Variants in TMEM132E observed in about 807,000 individuals in gnomAD.
The protein encoded by TMEM132E is transmembrane protein 132E.
In TMEM132E, 49 loss-of-function variants were observed where a neutral mutation model predicts 78.5. The observed-to-expected ratio is 0.62, with a 90% CI of 0.50 to 0.79. The LOEUF is 0.79. Ranked by LOEUF, TMEM132E falls within the 30% of genes least tolerant of loss-of-function variation. TMEM132E has a pLI of 0.00. For missense variants in TMEM132E, 1,403 were observed against 1,470.9 expected (o/e 0.95, Z 0.75); for synonymous variants, 715 against 670.6 (o/e 1.07, Z -1.02).
intron 1 of TMEM132E, among the ~76,000 whole-genome samples, chr17:34,581,717 C>G (rs1321928626): frequency 2.0e-5 from 3 of 152,002 alleles, no homozygotes; most frequent in South Asian, 2.1e-4. Flanking sequence ...CTTAGGCGAG[C>G]CCGGAGGGCG....
At position 34,581,044 on chromosome 17, in the gene TMEM132E, C is replaced by A; in HGVS notation, c.-33C>A. The A allele has an allele frequency of 6.6e-7, 1 of 1,523,534 alleles. No individual in the cohort carries two copies. The highest frequency in any genetic ancestry group is 2.0e-5 in the Admixed American group (1 of 49,728). The allele number at this position is 1,523,534 out of a possible 1,614,324, so 94.4% of individuals were successfully genotyped here. On this transcript the variant is annotated 5_prime_UTR_variant, in exon 1 of 9. Transcript: ENST00000631683. Reference sequence around the variant, plus strand: ...GGGGCCAAGTCGTCGTCGACTGTTGCTCTCTCGGACCCCTCCCGCCCCCGC... The same window carrying A: ...GGGGCCAAGTCGTCGTCGACTGTTGATCTCTCGGACCCCTCCCGCCCCCGC...
chr17:34,604,364 C>T (rs561906856), intron 1 of TMEM132E, among the ~76,000 whole-genome samples: 13 of 152,310 alleles, frequency 8.5e-5, no homozygotes, highest in African/African-American at 2.6e-4. Context: ...GCACACCATC[C>T]GCCAAGAGAG....
intron 1 of TMEM132E, among the ~76,000 whole-genome samples, chr17:34,614,026 C>T (rs1462177113): frequency 1.3e-5 from 2 of 152,324 alleles, no homozygotes; most frequent in African/African-American, 2.4e-5. Context: ...CCCCTTCCCT[C>T]GTGGTCATCC....
intron 1 of TMEM132E, among the ~76,000 whole-genome samples, chr17:34,617,467 C>T (rs1906820459): frequency 6.6e-6 from 1 of 152,206 alleles, no homozygotes; most frequent in Non-Finnish European, 1.5e-5. Flanking sequence ...GTGAGCACTT[C>T]CCTCCTCTCA....
At position 34,630,104 on chromosome 17, in the gene TMEM132E, A is replaced by G. The variant is rs2142083219; in HGVS notation, c.1435A>G (p.Ile479Val). 6.2e-7 allele frequency: 1 copy of G among 1,613,566 alleles called. No homozygotes were observed. The highest frequency in any genetic ancestry group is 8.5e-7 in the Non-Finnish European group (1 of 1,179,598). The change falls in exon 5 of 9, where the codon ATC (isoleucine) becomes GTC (valine). Residue 479 changes from isoleucine (I) to valine (V), a missense_variant. Physicochemically the swap from Ile to Val is conservative, Grantham distance 29 (BLOSUM62 3). Transcript: ENST00000631683. ...AIEVNGLVLDISALVECESDN... is the reference protein window; with the variant it reads ...AIEVNGLVLDVSALVECESDN... ...CGAGGTGAATGGCCTCGTCCTGGAC[A>G]TCTCCGCCCTAGTGGAATGCGAGTC... is the stretch of plus-strand genomic sequence containing the variant.
chr17:34,606,874 C>G (rs1390952114), intron 1 of TMEM132E, among the ~76,000 whole-genome samples: 1 of 152,232 alleles, frequency 6.6e-6, no homozygotes, highest in Non-Finnish European at 1.5e-5. Context: ...TCCCCACTCA[C>G]TCGCTCTCTC....
chr17:34,626,761 C>T lies in TMEM132E; in HGVS notation c.702C>T (p.Tyr234=). Residue 234 remains tyrosine, a synonymous_variant, in exon 2 of 9, where the codon TAC becomes TAT. Coordinates refer to ENST00000631683, the MANE Select transcript of TMEM132E (RefSeq NM_001304438.2). ...AGAGCCAGCAGGCCGAGCTCTACTACACGCTCCACGCCCCTGATGCGTCGG... is the reference window on the plus strand; with the variant it reads ...AGAGCCAGCAGGCCGAGCTCTACTATACGCTCCACGCCCCTGATGCGTCGG... The part of the protein sequence containing the change: ...TGESQQAELY[Y]TLHAPDASGG... 1 of 1,440,196 alleles carries T rather than the reference C, an allele frequency of 6.9e-7. No individual in the cohort carries two copies. Among genetic ancestry groups the T allele is most frequent in the Non-Finnish European group, 9.2e-7 (1 of 1,082,032 alleles). The allele number at this position is 1,440,196 out of a possible 1,614,324, so 89.2% of individuals were successfully genotyped here. A position where few individuals can be genotyped will look rare whatever the true frequency, so the allele number is the denominator to read the frequency against.
intron 1 of TMEM132E, among the ~76,000 whole-genome samples, chr17:34,620,904 G>T (rs1225162270): frequency 6.6e-6 from 1 of 152,240 alleles, no homozygotes; most frequent in Non-Finnish European, 1.5e-5. Context: ...CCCTCCTGCA[G>T]AGCTGGTGAA....
chr17:34,608,000 G>C (rs183119230), intron 1 of TMEM132E, among the ~76,000 whole-genome samples: 2 of 152,272 alleles, frequency 1.3e-5, no homozygotes, highest in East Asian at 3.9e-4. Flanking sequence ...TCGATCATTG[G>C]CCATTGTTGA....
In TMEM132E at chr17:34,636,361, C is replaced by A. The variant is rs540844801; in HGVS notation, c.2169+163C>A. On this transcript the variant is annotated intron_variant, in intron 8 of 8. Coordinates refer to ENST00000631683, the MANE Select transcript of TMEM132E (RefSeq NM_001304438.2). ...ACAACTGCCCACCCTATGGCCACAA[C>A]ATCTACATGGGAGGTCAGAGCAAGG... Among the ~76,000 whole-genome samples the A allele has an allele frequency of 2.0e-5, 3 of 152,330 alleles. No individual in the cohort carries two copies. In the East Asian group the frequency reaches 5.8e-4, roughly 29 times the overall value.
In TMEM132E at chr17:34,613,195, A is replaced by C. The variant is rs565207871; in HGVS notation, c.68-12932A>C. Among the ~76,000 whole-genome samples, 329 of 115,256 alleles carry C rather than the reference A, an allele frequency of 2.9e-3. 5 individuals carry two copies. The highest frequency in any genetic ancestry group is 8.1e-3 in the African/African-American group (279 of 34,492). The allele number at this position is 115,256 out of a possible 152,430, so 75.6% of individuals were successfully genotyped here. ...TCTCTACACACACACACACACACAC[A>C]CCCACACACACACACACGCGCGCGC... On this transcript the variant is annotated intron_variant, in intron 1 of 8. Transcript: ENST00000631683.
intron 1 of TMEM132E, among the ~76,000 whole-genome samples, chr17:34,605,008 G>A (rs1906365655): frequency 6.6e-6 from 1 of 152,170 alleles, no homozygotes; most frequent in African/African-American, 2.4e-5. Flanking sequence ...AACTTAAGCT[G>A]GAGACCTCTA....
chr17:34,613,569 C>G (rs1386373714), intron 1 of TMEM132E, among the ~76,000 whole-genome samples: 1 of 152,014 alleles, frequency 6.6e-6, no homozygotes, highest in African/African-American at 2.4e-5. Flanking sequence ...TTTTCTCTCT[C>G]CAGGCTTATC....
At chr17:34,600,726 T>C (rs1490558346) in intron 1 of TMEM132E, among the ~76,000 whole-genome samples, 2 of 152,050 alleles carry the variant, frequency 1.3e-5, no homozygotes, top group Non-Finnish European at 2.9e-5. Context: ...GAACTGGCAG[T>C]CCAGGATGGA....
Position 34,626,794 on chromosome 17 carries a change from C to A in TMEM132E, c.735C>A (p.Cys245Ter). The change falls in exon 2 of 9, where the codon TGC becomes TGA. Residue 245 changes from cysteine to a stop codon, truncating the protein, a stop_gained. Coordinates refer to ENST00000631683, the MANE Select transcript of TMEM132E (RefSeq NM_001304438.2). LOFTEE classifies it high-confidence loss of function. Reference sequence around the variant, plus strand: ...ACGCCCCTGATGCGTCGGGGGGCTGCGGGGGCTCCCGCCGGGGGGCCGGGC... The same window carrying A: ...ACGCCCCTGATGCGTCGGGGGGCTGAGGGGGCTCCCGCCGGGGGGCCGGGC... ...TLHAPDASGGCGGSRRGAGPG... is the reference protein window; with the variant it reads ...TLHAPDASGG 2 of 1,508,166 alleles carry A rather than the reference C, an allele frequency of 1.3e-6. No individual in the cohort carries two copies. Among genetic ancestry groups the A allele is most frequent in the Non-Finnish European group, 1.8e-6 (2 of 1,128,946 alleles). The allele number at this position is 1,508,166 out of a possible 1,614,324, so 93.4% of individuals were successfully genotyped here.
intron 3 of TMEM132E, 136 bp from the exon 4 acceptor site, chr17:34,628,876 A>G: frequency 7.3e-7 from 1 of 1,378,986 alleles, no homozygotes. Flanking sequence ...AGCACCTCAG[A>G]TGGGCTGGAG....
chr17:34,590,323 C>T (rs547692206), intron 1 of TMEM132E, among the ~76,000 whole-genome samples: 8 of 150,402 alleles, frequency 5.3e-5, no homozygotes, highest in Non-Finnish European at 1.0e-4. Context: ...CTTTCCTCCT[C>T]CACTCTCACC....
At chr17:34,594,946 T>C (rs1906003839) in intron 1 of TMEM132E, among the ~76,000 whole-genome samples, 1 of 152,200 alleles carries the variant, frequency 6.6e-6, no homozygotes. Flanking sequence ...CATGCAGAGA[T>C]GAAGACACAG....
chr17:34,629,872 CG>C (rs1482961973), intron 4 of TMEM132E, 135 bp from the exon 5 acceptor site: 1 of 1,021,378 alleles, frequency 9.8e-7, no homozygotes, highest in Non-Finnish European at 1.4e-6. Flanking sequence ...TCCCTGCACA[CG>C]GGTGCAAGTG....
Sources: allele counts gnomAD v4.1 joint callset (sites outside exome capture counted in the v4.1 genomes callset), GRCh38; gene constraint gnomAD v4.1.1; transcripts MANE v1.5; gene names NCBI Gene and HGNC (gene_info 2026-07-23, HGNC 2026-07-21).